FER: variants seen among roughly 807,000 people sequenced by gnomAD.
FER encodes the protein tyrosine-protein kinase Fer.
A neutral mutation model predicts 111.0 loss-of-function variants in FER; 63 were observed. That is an observed-to-expected ratio of 0.57 (90% CI 0.46 to 0.70). FER has a LOEUF of 0.70. Ranked by LOEUF, FER falls within the 30% of genes least tolerant of loss-of-function variation. FER has a pLI of 0.00. For synonymous variants in FER, 327 were observed against 313.9 expected (o/e 1.04, Z -0.44); for missense variants, 914 against 954.0 (o/e 0.96, Z 0.55).
chr5:108,879,622 T>G (rs575124439), intron 8 of FER, among the ~76,000 whole-genome samples: 3 of 85,892 alleles, frequency 3.5e-5, no homozygotes, highest in Admixed American at 2.1e-4. Context: ...ACATTACAGG[T>G]TTTTTTTTAT....
At chr5:108,900,556 A>G (rs572230985) in intron 10 of FER, among the ~76,000 whole-genome samples, 4 of 152,356 alleles carry the variant, frequency 2.6e-5, no homozygotes, top group African/African-American at 9.6e-5. Flanking sequence ...GAAGAATTGG[A>G]AGAACTCAAA....
intron 10 of FER, among the ~76,000 whole-genome samples, chr5:108,931,538 T>C (rs575412822): frequency 1.3e-5 from 2 of 152,328 alleles, no homozygotes; most frequent in South Asian, 4.1e-4. Context: ...TTTTCATTCA[T>C]GTCTAAATTC....
intron 17 of FER, among the ~76,000 whole-genome samples, chr5:109,126,713 G>T (rs530955730): frequency 6.6e-6 from 1 of 152,184 alleles, no homozygotes; most frequent in African/African-American, 2.4e-5. Context: ...TGGTTGAATT[G>T]CTCCTTGTCA....
chr5:109,025,474 T>C (rs1484212840), intron 13 of FER, among the ~76,000 whole-genome samples: 1 of 152,114 alleles, frequency 6.6e-6, no homozygotes, highest in Non-Finnish European at 1.5e-5. Context: ...TGATTTTGTA[T>C]CCTGAGACTT....
At chr5:109,048,949 C>T (rs1772367323) in intron 16 of FER, among the ~76,000 whole-genome samples, 1 of 151,866 alleles carries the variant, frequency 6.6e-6, no homozygotes, top group African/African-American at 2.4e-5. Context: ...TGTGGATTTA[C>T]ATAATTTATT....
intron 3 of FER, among the ~76,000 whole-genome samples, chr5:108,830,329 A>G (rs958802877): frequency 6.6e-6 from 1 of 152,042 alleles, no homozygotes; most frequent in Admixed American, 6.6e-5. Flanking sequence ...TGGTTCACAC[A>G]TGTAGTCTCA....
chr5:108,785,332 C>G, intron 2 of FER: 14 of 566,420 alleles, frequency 2.5e-5, no homozygotes, highest in South Asian at 2.0e-4. Flanking sequence ...GCTTCAGCCC[C>G]AACTGCTACT....
At chr5:108,839,572 CTT>C (rs1232820003) in intron 5 of FER, among the ~76,000 whole-genome samples, 190 of 94,714 alleles carry the variant, frequency 2.0e-3, no homozygotes, top group African/African-American at 7.5e-3. Flanking sequence ...ATGCCATTTT[CTT>C]TTTTTTTTTT....
At chr5:108,797,581 G>C (rs1756174522) in intron 2 of FER, among the ~76,000 whole-genome samples, 1 of 152,170 alleles carries the variant, frequency 6.6e-6, no homozygotes, top group Admixed American at 6.5e-5. Flanking sequence ...AGCATACTCT[G>C]TGCACCATGT....
intron 13 of FER, among the ~76,000 whole-genome samples, chr5:108,981,272 A>G (rs1216592547): frequency 1.3e-5 from 2 of 152,072 alleles, no homozygotes; most frequent in Non-Finnish European, 2.9e-5. Context: ...ATTGATTTAT[A>G]TATCTTGCTT....
intron 6 of FER, among the ~76,000 whole-genome samples, chr5:108,868,628 A>C (rs982773177): frequency 6.6e-6 from 1 of 152,078 alleles, no homozygotes; most frequent in African/African-American, 2.4e-5. Context: ...TGTGTCGGGG[A>C]ATTCTTCAAT....
At chr5:108,833,080 T>G in intron 4 of FER, 137 bp downstream of exon 4, 3 of 646,738 alleles carry the variant, frequency 4.6e-6, no homozygotes, top group Non-Finnish European at 5.0e-6. Flanking sequence ...TAATAAGTAA[T>G]ATCTTATTGA....
In FER at chr5:109,044,801, T is replaced by TTA; in HGVS notation, c.1829+8_1829+9dup. 1 of 1,290,682 alleles carries TTA rather than the reference T, an allele frequency of 7.7e-7. No homozygotes were observed. Among genetic ancestry groups the TTA allele is most frequent in the Non-Finnish European group, 1.1e-6 (1 of 919,698 alleles). 80.0% of individuals were successfully genotyped at this position (1,290,682 alleles called of 1,614,324 possible). On this transcript the variant is annotated splice_region_variant and intron_variant, in intron 15 of 19. Transcript: ENST00000281092. Reference sequence around the variant, plus strand: ...AAATTTTTACAAGAAGCCAAGTGAGTTATTTAAAGTAATCAAAATATGTAT... The same window carrying TTA: ...AAATTTTTACAAGAAGCCAAGTGAGTTATATTTAAAGTAATCAAAATATGTAT...
chr5:108,948,589 G>T (rs1428575489), intron 11 of FER, among the ~76,000 whole-genome samples: 1 of 152,028 alleles, frequency 6.6e-6, no homozygotes, highest in Non-Finnish European at 1.5e-5. Context: ...ATGTTAGACA[G>T]TATTAATTAC....
intron 18 of FER, among the ~76,000 whole-genome samples, chr5:109,183,340 C>G (rs1758495885): frequency 6.6e-6 from 1 of 150,868 alleles, no homozygotes; most frequent in Non-Finnish European, 1.5e-5. Context: ...CCTCTGCCTC[C>G]TGGGTTCAAG....
At chr5:108,882,168 T>G (rs1371760424) in intron 8 of FER, among the ~76,000 whole-genome samples, 1 of 152,092 alleles carries the variant, frequency 6.6e-6, no homozygotes, top group Non-Finnish European at 1.5e-5. Flanking sequence ...AGTGTTTTGG[T>G]AAGACACATT....
chr5:108,811,928 G>T (rs1441278152), intron 3 of FER, among the ~76,000 whole-genome samples: 1 of 151,308 alleles, frequency 6.6e-6, no homozygotes, highest in Non-Finnish European at 1.5e-5. Flanking sequence ...GAATCTTCTG[G>T]TGGATCTTCT....
chr5:108,877,252 T>C (rs1384905836), intron 8 of FER, among the ~76,000 whole-genome samples: 1 of 152,216 alleles, frequency 6.6e-6, no homozygotes, highest in Non-Finnish European at 1.5e-5. Context: ...TATACAGTAT[T>C]ATAATTTGCT....
chr5:109,053,451 ATCTGTAGC>A (rs1773135043), intron 16 of FER, among the ~76,000 whole-genome samples: 1 of 151,864 alleles, frequency 6.6e-6, no homozygotes, highest in African/African-American at 2.4e-5. Flanking sequence ...TTTTGAACAA[ATCTGTAGC>A]ACCTAAATTT....
Sources: gnomAD v4.1 joint callset for allele counts (sites outside exome capture counted in the v4.1 genomes callset) on GRCh38, gnomAD v4.1.1 for gene constraint, MANE v1.5 for transcripts, NCBI Gene and HGNC (gene_info 2026-07-23, HGNC 2026-07-21) for gene names.